The following GIGYF2 variants were observed in gnomAD, a reference collection of about 807,000 sequenced individuals.
GIGYF2 encodes GRB10 interacting GYF protein 2.
Under a neutral mutation model 208.1 loss-of-function variants are expected in GIGYF2, and 25 were observed. The ratio of observed to expected loss-of-function variants is 0.12; its 90% CI spans 0.09 to 0.17. The LOEUF (loss-of-function observed/expected upper bound fraction) is 0.17, where lower values mean the gene tolerates loss of function less well. Ranked by LOEUF, GIGYF2 falls within the 10% of genes least tolerant of loss-of-function variation. GIGYF2 has a pLI of 1.00. For missense variants in GIGYF2, 1,302 were observed against 1,579.4 expected (o/e 0.82, Z 2.98); for synonymous variants, 534 against 543.8 (o/e 0.98, Z 0.25).
chr2:232,762,226 CT>C lies in GIGYF2; in HGVS notation c.532+801del, dbSNP rs536168638. ...TTATAACTGATAGTGTTAATCATGT[CT>C]TTTTTTTTTTGTTTTTTTTTTTGTT... On this transcript the variant is annotated intron_variant, in intron 8 of 28. Transcript: ENST00000373563. Among the ~76,000 whole-genome samples, 709 of 92,856 alleles carry C rather than the reference CT, an allele frequency of 7.6e-3. 6 individuals are homozygous for C. Among genetic ancestry groups the C allele is most frequent in the African/African-American group, 0.026 (663 of 25,916 alleles). 60.9% of individuals were successfully genotyped at this position (92,856 alleles called of 152,430 possible). A position where few individuals can be genotyped will look rare whatever the true frequency, so the allele number is the denominator to read the frequency against.
intron 19 of GIGYF2, 145 bp downstream of exon 19, chr2:232,815,882 C>T (rs1488408829): frequency 1.6e-6 from 1 of 636,970 alleles, no homozygotes; most frequent in Non-Finnish European, 2.8e-6. Context: ...CATATTGTAT[C>T]TTTACTGTGC....
At chr2:232,809,274 A>G (rs965661788) in intron 15 of GIGYF2, among the ~76,000 whole-genome samples, 1 of 152,196 alleles carries the variant, frequency 6.6e-6, no homozygotes, top group East Asian at 1.9e-4. Context: ...TTTAAGATAC[A>G]TACTGGCTCC....
intron 2 of GIGYF2, among the ~76,000 whole-genome samples, chr2:232,711,839 C>T (rs1318615225): frequency 4.7e-5 from 7 of 149,422 alleles, no homozygotes; most frequent in Admixed American, 1.3e-4. Flanking sequence ...TAATTTTTAT[C>T]GCTTTACTTT....
intron 25 of GIGYF2, 70 bp downstream of exon 25, chr2:232,844,644 T>G: frequency 9.8e-7 from 1 of 1,019,192 alleles, no homozygotes; most frequent in Non-Finnish European, 1.5e-6. Context: ...AAGTGGGATG[T>G]TGGGTGGGCA....
chr2:232,772,161 A>T (rs1374039981), intron 8 of GIGYF2, among the ~76,000 whole-genome samples: 1 of 152,084 alleles, frequency 6.6e-6, no homozygotes, highest in Admixed American at 6.6e-5. Context: ...CCATCTTCCC[A>T]CTTCAGCCTT....
At chr2:232,848,701 A>G (rs1559168974) in intron 27 of GIGYF2, among the ~76,000 whole-genome samples, 2 of 152,198 alleles carry the variant, frequency 1.3e-5, no homozygotes, top group South Asian at 4.1e-4. Flanking sequence ...GGCACTAAAT[A>G]GACCACAAAA....
chr2:232,855,013 T>G (rs1408884768), intron 28 of GIGYF2, among the ~76,000 whole-genome samples: 1 of 152,096 alleles, frequency 6.6e-6, no homozygotes, highest in Non-Finnish European at 1.5e-5. Flanking sequence ...TATAGAAGTT[T>G]TGGAAAAATT....
intron 3 of GIGYF2, among the ~76,000 whole-genome samples, chr2:232,746,978 T>C (rs186715510): frequency 1.9e-4 from 29 of 152,346 alleles, no homozygotes; most frequent in Admixed American, 1.8e-3. Context: ...ATGCTTTTGC[T>C]GCAGTTTGTA....
In GIGYF2 at chr2:232,798,360, T is replaced by G. The variant is rs144249484; in HGVS notation, c.1639+2139T>G. Among the ~76,000 whole-genome samples, 9 of 152,350 alleles carry G rather than the reference T, an allele frequency of 5.9e-5. No individual in the cohort carries two copies. In the East Asian group the frequency reaches 1.7e-3, roughly 29 times the overall value. On this transcript the variant is annotated intron_variant, in intron 14 of 28. Coordinates refer to ENST00000373563, the MANE Select transcript of GIGYF2 (RefSeq NM_001103146.3). Reference sequence around the variant, plus strand: ...GTTTTGGGGCTATAATGAATAAAGCTGCTATAAACATTTATGGACATGTTT... The same window carrying G: ...GTTTTGGGGCTATAATGAATAAAGCGGCTATAAACATTTATGGACATGTTT...
intron 14 of GIGYF2, among the ~76,000 whole-genome samples, chr2:232,799,061 T>A (rs1700310735): frequency 6.6e-6 from 1 of 152,016 alleles, no homozygotes; most frequent in Non-Finnish European, 1.5e-5. Context: ...GTGCAGTATT[T>A]GTCTTTTGAC....
chr2:232,729,790 A>T, intron 2 of GIGYF2: 1 of 749,608 alleles, frequency 1.3e-6, no homozygotes, highest in African/African-American at 1.7e-5. Flanking sequence ...AGACTTGGCA[A>T]CGAGTGCAGG....
At chr2:232,776,010 G>A (rs1574869338) in intron 8 of GIGYF2, among the ~76,000 whole-genome samples, 2 of 152,014 alleles carry the variant, frequency 1.3e-5, no homozygotes, top group East Asian at 3.9e-4. Flanking sequence ...AAAAATTTAC[G>A]ATTAGGATAC....
intron 2 of GIGYF2, chr2:232,731,042 T>C (rs553890810): frequency 6.6e-6 from 1 of 152,326 alleles, no homozygotes; most frequent in South Asian, 2.1e-4. Context: ...ATTGTAGTAG[T>C]TTTGTAGTAC....
At chr2:232,796,398 A>G (rs975513377) in intron 14 of GIGYF2, among the ~76,000 whole-genome samples, 177 bp downstream of exon 14, 1 of 152,212 alleles carries the variant, frequency 6.6e-6, no homozygotes, top group Non-Finnish European at 1.5e-5. Context: ...TTTCTTCCCA[A>G]TTTTGGAATA....
Position 232,780,476 on chromosome 2 carries a change from A to G in GIGYF2, c.533-6674A>G, listed in dbSNP as rs562749916. ...TTGAATGGAAAAAAATACATTTAAAATTTGTGTTTCTTTGCCTTTTGAGGG... is the reference window on the plus strand; with the variant it reads ...TTGAATGGAAAAAAATACATTTAAAGTTTGTGTTTCTTTGCCTTTTGAGGG... On this transcript the variant is annotated intron_variant, in intron 8 of 28. Transcript: ENST00000373563. Among the ~76,000 whole-genome samples the G allele has an allele frequency of 5.9e-5, 9 of 152,310 alleles. No homozygotes were observed. In the South Asian group the frequency reaches 1.5e-3, roughly 25 times the overall value.
At chr2:232,798,803 T>A (rs1016995236) in intron 14 of GIGYF2, among the ~76,000 whole-genome samples, 3 of 151,704 alleles carry the variant, frequency 2.0e-5, no homozygotes, top group African/African-American at 7.3e-5. Flanking sequence ...TTTTTTTTAA[T>A]TCATTTTAAA....
At chr2:232,780,030 A>G (rs540125794) in intron 8 of GIGYF2, among the ~76,000 whole-genome samples, 2 of 152,290 alleles carry the variant, frequency 1.3e-5, no homozygotes, top group South Asian at 2.1e-4. Flanking sequence ...ACAAGCTTCA[A>G]AGTCTGTCCC....
intron 5 of GIGYF2, among the ~76,000 whole-genome samples, chr2:232,755,072 A>T (rs908665013): frequency 2.6e-5 from 4 of 152,252 alleles, no homozygotes; most frequent in East Asian, 1.9e-4. Context: ...TGGTATAGAC[A>T]TCATATTTCA....
intron 2 of GIGYF2, chr2:232,729,659 C>T (rs1298397319): frequency 3.2e-6 from 3 of 946,880 alleles, no homozygotes; most frequent in South Asian, 2.7e-5. Flanking sequence ...AATTCTGTAT[C>T]CCACTTGAAC....
Sources: allele counts gnomAD v4.1 joint callset (sites outside exome capture counted in the v4.1 genomes callset), GRCh38; gene constraint gnomAD v4.1.1; transcripts MANE v1.5; gene names NCBI Gene and HGNC (gene_info 2026-07-23, HGNC 2026-07-21).